The following PALMD variants were observed in gnomAD, a reference collection of about 807,000 sequenced individuals.
The protein encoded by PALMD is palmdelphin.
A neutral mutation model predicts 56.2 loss-of-function variants in PALMD; 42 were observed. The ratio of observed to expected loss-of-function variants is 0.75; its 90% confidence interval spans 0.58 to 0.97. PALMD has a LOEUF of 0.97. PALMD is among the 50% of genes least tolerant of loss of function. The pLI, the probability that PALMD is intolerant of heterozygous loss-of-function variation, is 0.00. For synonymous variants in PALMD, 242 were observed against 222.9 expected, an observed-to-expected ratio of 1.09 and a Z score of -0.76; for missense variants, 660 against 643.8, an observed-to-expected ratio of 1.03 and a Z score of -0.27.
At chr1:99,661,459 G>A (rs1652844645) in intron 1 of PALMD, among the ~76,000 whole-genome samples, 1 of 152,120 alleles carries the variant, frequency 6.6e-6, no homozygotes, top group Non-Finnish European at 1.5e-5. Context: ...TACTGTTCTA[G>A]AAACTTTTAC....
intron 1 of PALMD, among the ~76,000 whole-genome samples, chr1:99,648,204 G>GA (rs1652486463): frequency 6.6e-6 from 1 of 152,072 alleles, no homozygotes; most frequent in Non-Finnish European, 1.5e-5. Context: ...GAAAAAACTG[G>GA]AAAAAGTTTA....
chr1:99,650,045 A>T (rs1490306669), intron 1 of PALMD, among the ~76,000 whole-genome samples: 2 of 152,078 alleles, frequency 1.3e-5, no homozygotes, highest in Admixed American at 6.6e-5. Context: ...GAATGTGAGG[A>T]GTGGGGATGG....
chr1:99,689,856 G>T lies in PALMD; in HGVS notation c.1596G>T (p.Glu532Asp), dbSNP rs1346693790. 1.2e-6 allele frequency: 2 copies of T among 1,607,986 alleles called. No individual in the cohort carries two copies. The highest frequency in any genetic ancestry group is 4.5e-5 in the East Asian group (2 of 44,874). Residue 532 changes from glutamate to aspartate, a missense_variant, in exon 7 of 8, where the codon GAG becomes GAT. By Grantham distance (45) the Glu-to-Asp change is conservative. Transcript: ENST00000263174. ...CTCAGACAACTGGAGATGGGACTGA[G>T]GATCCATCCTTAACAGGTAATAAAA... ...FDAQTTGDGT[E>D]DPSLTALRMR...
Position 99,689,211 on chromosome 1 carries a change from C to T in PALMD, c.951C>T (p.Phe317=), listed in dbSNP as rs1479138586. The T allele has an allele frequency of 1.9e-6, 3 of 1,613,552 alleles. No homozygotes were observed. The South Asian group carries it at 3.3e-5, about 18-fold the overall frequency. ...TTTCAGAGGAAAGGGGAAACAACTT[C>T]AATCACATCAGTCCCATTCCGCCAG... ...NGLSEERGNN[F]NHISPIPPVP... The change falls in exon 7 of 8, where the codon TTC becomes TTT. Residue 317 remains phenylalanine, a synonymous_variant. Coordinates refer to ENST00000263174, the MANE Select transcript of PALMD (RefSeq NM_017734.5).
intron 2 of PALMD, among the ~76,000 whole-genome samples, chr1:99,663,553 CCT>C (rs148984335): frequency 0.042 from 6,378 of 150,858 alleles, 146 homozygotes; most frequent in Middle Eastern, 0.065. Flanking sequence ...GCTCTCCTTT[CCT>C]CTCTCTCTCT....
chr1:99,651,865 T>TCAAGTTTTGAG lies in PALMD; in HGVS notation c.45+5504_45+5505insAAGTTTTGAGC, dbSNP rs1420290947. Reference sequence around the variant, plus strand: ...TTCTGAATGGAACTCAAAACTAGCTTCTGTCCTAAGCATCAAGTTTTCAAT... The same window carrying TCAAGTTTTGAG: ...TTCTGAATGGAACTCAAAACTAGCTTCAAGTTTTGAGCTGTCCTAAGCATCAAGTTTTCAAT... On this transcript the variant is annotated intron_variant, in intron 1 of 7. Coordinates refer to ENST00000263174, the MANE Select transcript of PALMD (RefSeq NM_017734.5). Among the ~76,000 whole-genome samples, 7 of 152,346 alleles carry TCAAGTTTTGAG rather than the reference T, an allele frequency of 4.6e-5. No individual in the cohort carries two copies. In the East Asian group the frequency reaches 1.2e-3, roughly 25 times the overall value.
In PALMD at chr1:99,688,911, G is replaced by A. The variant is rs6678252; in HGVS notation, c.651G>A (p.Val217=). The change falls in exon 7 of 8, where the codon GTG becomes GTA. Residue 217 remains valine (V), a synonymous_variant. Coordinates refer to ENST00000263174, the MANE Select transcript of PALMD (RefSeq NM_017734.5). ...TTTATGATGATGGGCAAAAGTCAGTGTATGCAGTAAGTTCTAATCACAGTG... is the reference window on the plus strand; with the variant it reads ...TTTATGATGATGGGCAAAAGTCAGTATATGCAGTAAGTTCTAATCACAGTG... ...IKVYDDGQKS[V]YAVSSNHSAA... 60,202 of 1,613,528 alleles carry A rather than the reference G, an allele frequency of 0.037. 2,555 individuals carry two copies. The highest frequency in any genetic ancestry group is 0.21 in the African/African-American group (16,060 of 74,912).
At chr1:99,665,956 G>A (rs1652950118) in intron 2 of PALMD, among the ~76,000 whole-genome samples, 1 of 152,120 alleles carries the variant, frequency 6.6e-6, no homozygotes, top group African/African-American at 2.4e-5. Flanking sequence ...GATAACACTG[G>A]GGTAAAGAAT....
intron 7 of PALMD, among the ~76,000 whole-genome samples, chr1:99,690,909 A>G (rs1313325949): frequency 6.6e-6 from 1 of 152,164 alleles, no homozygotes; most frequent in Non-Finnish European, 1.5e-5. Context: ...ACACAATTCA[A>G]TAATGTTTCT....
intron 1 of PALMD, among the ~76,000 whole-genome samples, chr1:99,651,997 TCTC>T (rs1348770157): frequency 6.6e-6 from 1 of 152,152 alleles, no homozygotes; most frequent in African/African-American, 2.4e-5. Flanking sequence ...AAAATGGACA[TCTC>T]CTAAGAAAAA....
intron 3 of PALMD, among the ~76,000 whole-genome samples, chr1:99,677,360 A>G (rs2100867942): frequency 6.6e-6 from 1 of 152,284 alleles, no homozygotes; most frequent in African/African-American, 2.4e-5. Context: ...CCTCAAGAGC[A>G]GTGCCTTAAA....
At chr1:99,688,747 A>G (rs776928869) in intron 6 of PALMD, 28 bp from the exon 7 acceptor site, 2 of 1,491,514 alleles carry the variant, frequency 1.3e-6, no homozygotes, top group East Asian at 4.5e-5. Context: ...AGTTAACTAA[A>G]TCAAAGATCA....
intron 2 of PALMD, among the ~76,000 whole-genome samples, chr1:99,665,312 G>A (rs1652938552): frequency 6.6e-6 from 1 of 152,108 alleles, no homozygotes; most frequent in South Asian, 2.1e-4. Context: ...TCATTGTAAA[G>A]TAGATTTTAT....
chr1:99,653,683 C>A (rs1218479923), intron 1 of PALMD, among the ~76,000 whole-genome samples: 1 of 152,080 alleles, frequency 6.6e-6, no homozygotes. Flanking sequence ...TTACACCATG[C>A]CCAAGTTCAC....
At chr1:99,683,134 GAAAGAAAGAAAGAAAGAA>G (rs1653406464) in intron 3 of PALMD, 1 of 124,716 alleles carries the variant, frequency 8.0e-6, no homozygotes, top group East Asian at 2.1e-4. Context: ...AAGAAAGAAA[GAAAGAAAGAAAGAAAGAA>G]AGAAAGAAAG....
intron 1 of PALMD, among the ~76,000 whole-genome samples, chr1:99,660,833 C>T (rs775759773): frequency 1.3e-4 from 20 of 152,208 alleles, no homozygotes; most frequent in Non-Finnish European, 1.9e-4. Context: ...CTACAGTGAG[C>T]CATGATTGTG....
At chr1:99,691,487 G>C (rs1653650804) in intron 7 of PALMD, among the ~76,000 whole-genome samples, 1 of 152,122 alleles carries the variant, frequency 6.6e-6, no homozygotes, top group Admixed American at 6.6e-5. Context: ...ATCAATCAAA[G>C]TATCTTATAA....
chr1:99,674,358 A>G (rs903798204), intron 3 of PALMD, among the ~76,000 whole-genome samples: 1 of 152,186 alleles, frequency 6.6e-6, no homozygotes, highest in Non-Finnish European at 1.5e-5. Flanking sequence ...ATGGAGCACT[A>G]TTCTGAGAAT....
At position 99,688,928 on chromosome 1, in the gene PALMD, A is replaced by C. The variant is rs373826172; in HGVS notation, c.668A>C (p.Asn223Thr). ...AAGTCAGTGTATGCAGTAAGTTCTA[A>C]TCACAGTGCAGCATACAATGGCACC... is the stretch of plus-strand genomic sequence containing the variant. ...GQKSVYAVSS[N>T]HSAAYNGTDG... The change falls in exon 7 of 8, where the codon AAT becomes ACT. Residue 223 changes from asparagine (N) to threonine (T), a missense_variant. Physicochemically the swap from Asn to Thr is moderately conservative, Grantham distance 65. Transcript: ENST00000263174. 24 of 1,613,646 alleles carry C rather than the reference A, an allele frequency of 1.5e-5. No individual in the cohort carries two copies. The highest frequency in any genetic ancestry group is 1.9e-5 in the Non-Finnish European group (23 of 1,179,734).
Sources: gnomAD v4.1 joint callset for allele counts (sites outside exome capture counted in the v4.1 genomes callset) on GRCh38, gnomAD v4.1.1 for gene constraint, MANE v1.5 for transcripts, NCBI Gene and HGNC (gene_info 2026-07-23, HGNC 2026-07-21) for gene names.